The following STRBP variants were observed in gnomAD, a reference collection of about 807,000 sequenced individuals.
The protein encoded by STRBP is spermatid perinuclear RNA-binding protein.
In STRBP, 13 loss-of-function variants were observed where a neutral mutation model predicts 80.1. The observed-to-expected ratio is 0.16, with a 90% CI of 0.11 to 0.26. STRBP has a LOEUF of 0.26. STRBP is among the 10% of genes least tolerant of loss of function. The pLI, the probability that STRBP is intolerant of heterozygous loss-of-function variation, is 1.00. For missense variants in STRBP, 485 were observed against 815.2 expected, an observed-to-expected ratio of 0.59 and a Z score of 4.93; for synonymous variants, 284 against 291.2, an observed-to-expected ratio of 0.98 and a Z score of 0.25.
chr9:123,158,273 G>T, intron 10 of STRBP, 59 bp downstream of exon 10: 2 of 1,579,560 alleles, frequency 1.3e-6, no homozygotes, highest in South Asian at 2.2e-5. Flanking sequence ...GAACACAATT[G>T]AGAAAATTAA....
At chr9:123,139,822 T>C in intron 13 of STRBP, 135 bp from the exon 14 acceptor site, 1 of 829,148 alleles carries the variant, frequency 1.2e-6, no homozygotes, top group Non-Finnish European at 1.9e-6. Context: ...AAGATGGTAC[T>C]AAATCTGTAA....
At position 123,121,948 on chromosome 9, in the gene STRBP, TAC is replaced by T. The variant is rs55960341; in HGVS notation, c.*3647_*3648del. On this transcript the variant is annotated 3_prime_UTR_variant, in exon 19 of 19. Transcript: ENST00000348403. ...ACATACGTGTTATATCCTAAGTTTC[TAC>T]ACACACACACACACACACACACACT... The T allele has an allele frequency of 0.21, 31,991 of 154,358 alleles. 5,935 individuals are homozygous for T. Among genetic ancestry groups the T allele is most frequent in the East Asian group, 0.6 (3,139 of 5,260 alleles). The allele number at this position is 154,358 out of a possible 1,614,324, so 9.6% of individuals were successfully genotyped here.
intron 5 of STRBP, among the ~76,000 whole-genome samples, chr9:123,173,389 T>A (rs1564264814): frequency 6.6e-6 from 1 of 152,172 alleles, no homozygotes. Context: ...AACTTTATAA[T>A]GGTGAGACCT....
At chr9:123,121,070 A>C (rs1206178222), downstream of STRBP, among the ~76,000 whole-genome samples, 1 of 152,178 alleles carries the variant, frequency 6.6e-6, no homozygotes, top group Non-Finnish European at 1.5e-5. Context: ...CCAGAAGAGG[A>C]CCTGGTACCT....
At chr9:123,176,226 C>T (rs1057048632) in intron 4 of STRBP, among the ~76,000 whole-genome samples, 4 of 152,198 alleles carry the variant, frequency 2.6e-5, no homozygotes, top group Non-Finnish European at 2.9e-5. Context: ...ACTTTCACCA[C>T]ATGCCAAAAC....
chr9:123,147,113 GT>G, intron 12 of STRBP, 59 bp from the exon 13 acceptor site: 1 of 1,499,890 alleles, frequency 6.7e-7, no homozygotes, highest in Non-Finnish European at 9.1e-7. Context: ...TGCTTTATGC[GT>G]TTTTGGGGTT....
At chr9:123,174,401 G>A (rs188087760) in intron 4 of STRBP, among the ~76,000 whole-genome samples, 139 of 152,316 alleles carry the variant, frequency 9.1e-4, no homozygotes, top group African/African-American at 1.6e-3. Context: ...TTGCACCACT[G>A]CACTCCAGCG....
At chr9:123,162,882 C>T (rs2037584085) in intron 6 of STRBP, among the ~76,000 whole-genome samples, 1 of 152,200 alleles carries the variant, frequency 6.6e-6, no homozygotes, top group Non-Finnish European at 1.5e-5. Context: ...AAGTAGCTCA[C>T]TTTAATGTTT....
chr9:123,157,880 C>G (rs2037357424), intron 11 of STRBP, 132 bp downstream of exon 11: 1 of 713,844 alleles, frequency 1.4e-6, no homozygotes, highest in African/African-American at 1.8e-5. Context: ...CTATATCAGT[C>G]AGGAAGAAAG....
chr9:123,234,863 G>A (rs1254940496), intron 2 of STRBP, among the ~76,000 whole-genome samples: 1 of 152,016 alleles, frequency 6.6e-6, no homozygotes, highest in Non-Finnish European at 1.5e-5. Context: ...GGGAGGCCAA[G>A]GCAGGAGACT....
intron 2 of STRBP, among the ~76,000 whole-genome samples, chr9:123,195,559 C>T (rs1476641802): frequency 6.6e-6 from 1 of 152,118 alleles, no homozygotes; most frequent in Non-Finnish European, 1.5e-5. Flanking sequence ...CAACAGCAAA[C>T]ACTCTGAAAG....
chr9:123,171,320 T>C (rs1306972090), intron 5 of STRBP, among the ~76,000 whole-genome samples: 1 of 152,090 alleles, frequency 6.6e-6, no homozygotes, highest in Non-Finnish European at 1.5e-5. Context: ...GGAAAGAGTA[T>C]GAAGAGAAAA....
At chr9:123,227,813 C>G (rs2040286523) in intron 2 of STRBP, among the ~76,000 whole-genome samples, 1 of 152,040 alleles carries the variant, frequency 6.6e-6, no homozygotes, top group African/African-American at 2.4e-5. Flanking sequence ...CATTCACCCA[C>G]CTCAGCCTCC....
chr9:123,226,180 G>A (rs1028549708), intron 2 of STRBP, among the ~76,000 whole-genome samples: 6 of 152,134 alleles, frequency 3.9e-5, no homozygotes, highest in African/African-American at 1.2e-4. Flanking sequence ...CTAAAAATGA[G>A]TCACACTTAA....
At chr9:123,167,929 C>A (rs2037838760) in intron 6 of STRBP, among the ~76,000 whole-genome samples, 1 of 151,814 alleles carries the variant, frequency 6.6e-6, no homozygotes, top group Non-Finnish European at 1.5e-5. Context: ...AAAGGTATCA[C>A]TGAAAGCTAT....
intron 11 of STRBP, among the ~76,000 whole-genome samples, chr9:123,154,704 A>G (rs994692232): frequency 2.4e-4 from 36 of 152,322 alleles, no homozygotes; most frequent in African/African-American, 8.4e-4. Flanking sequence ...CTGAAAACTA[A>G]CCAGTGAATG....
chr9:123,244,226 C>T (rs1009612610), intron 1 of STRBP, among the ~76,000 whole-genome samples: 11 of 152,156 alleles, frequency 7.2e-5, no homozygotes, highest in African/African-American at 2.2e-4. Context: ...ATACTATATG[C>T]TTTCAACTAT....
chr9:123,148,829 A>G (rs1369402157), intron 11 of STRBP, among the ~76,000 whole-genome samples: 1 of 152,130 alleles, frequency 6.6e-6, no homozygotes, highest in African/African-American at 2.4e-5. Flanking sequence ...GGTCAAAGAT[A>G]TTTTTTCCTT....
At chr9:123,180,891 G>C (rs2038429476) in intron 3 of STRBP, 1 of 975,778 alleles carries the variant, frequency 1.0e-6, no homozygotes, top group South Asian at 4.7e-5. Flanking sequence ...TTAGTACATG[G>C]TAAATATTTT....
Sources: allele counts gnomAD v4.1 joint callset (sites outside exome capture counted in the v4.1 genomes callset), GRCh38; gene constraint gnomAD v4.1.1; transcripts MANE v1.5; gene names NCBI Gene and HGNC (gene_info 2026-07-23, HGNC 2026-07-21).